The following TENT4B variants were observed in gnomAD, a reference collection of about 807,000 sequenced individuals.
The protein encoded by TENT4B is terminal nucleotidyltransferase 4B, also known as PAP associated domain containing 5.
Under a neutral mutation model 75.0 loss-of-function variants are expected in TENT4B, and 10 were observed. That is an observed-to-expected ratio of 0.13 (90% confidence interval 0.08 to 0.23). The LOEUF is 0.23. Ranked by LOEUF, TENT4B falls within the 10% of genes least tolerant of loss-of-function variation. TENT4B has a pLI of 1.00. For missense variants in TENT4B, 579 were observed against 893.8 expected (o/e 0.65, Z 4.49); for synonymous variants, 350 against 357.7 (o/e 0.98, Z 0.24).
At chr16:50,181,495 G>T (rs1455589256) in intron 1 of TENT4B, among the ~76,000 whole-genome samples, 11 of 142,846 alleles carry the variant, frequency 7.7e-5, no homozygotes, top group African/African-American at 2.6e-4. Flanking sequence ...TATAGAGACA[G>T]AGTTTCACCA....
At chr16:50,152,956 C>G (rs547285140), upstream of TENT4B, 2 of 1,506,250 alleles carry the variant, frequency 1.3e-6, no homozygotes, top group Non-Finnish European at 1.8e-6. Flanking sequence ...AACCTCCATG[C>G]GGCCTCGTCC....
chr16:50,191,542 C>G (rs111635333), intron 1 of TENT4B, among the ~76,000 whole-genome samples: 1 of 152,018 alleles, frequency 6.6e-6, no homozygotes, highest in Non-Finnish European at 1.5e-5. Flanking sequence ...CCAAAGTGTT[C>G]GGATTATAGG....
upstream of TENT4B, among the ~76,000 whole-genome samples, chr16:50,153,269 C>G (rs898799498): frequency 7.2e-6 from 1 of 139,172 alleles, no homozygotes; most frequent in African/African-American, 2.7e-5. Context: ...GGAGCAGGCG[C>G]GTCTCGCTGC....
intron 3 of TENT4B, 135 bp from the exon 4 acceptor site, chr16:50,215,940 C>A: frequency 9.7e-7 from 1 of 1,028,712 alleles, no homozygotes. Context: ...ACCATTATCA[C>A]CAACACATTT....
At chr16:50,159,860 G>A (rs184489381) in intron 1 of TENT4B, among the ~76,000 whole-genome samples, 39 of 152,172 alleles carry the variant, frequency 2.6e-4, no homozygotes, top group African/African-American at 4.8e-4. Flanking sequence ...TTAGTATACT[G>A]TGTTCAACTA....
chr16:50,230,813 G>T lies in TENT4B; in HGVS notation c.*1485G>T. 1 of 985,598 alleles carries T rather than the reference G, an allele frequency of 1.0e-6. No individual in the cohort carries two copies. The highest frequency in any genetic ancestry group is 1.2e-6 in the Non-Finnish European group (1 of 829,704). The allele number at this position is 985,598 out of a possible 1,614,324, so 61.1% of individuals were successfully genotyped here. A position where few individuals can be genotyped will look rare whatever the true frequency, so the allele number is the denominator to read the frequency against. On this transcript the variant is annotated 3_prime_UTR_variant, in exon 12 of 12. Transcript: ENST00000561678. ...GAATATTTAATATAATAGAATGTAA[G>T]TGACATTTCTGAAAATGCTTTCTTT...
intron 1 of TENT4B, among the ~76,000 whole-genome samples, chr16:50,157,488 A>T (rs1390551913): frequency 6.6e-6 from 1 of 152,266 alleles, no homozygotes; most frequent in African/African-American, 2.4e-5. Flanking sequence ...AAAGTCTTCA[A>T]AATAAAACTC....
At position 50,234,313 on chromosome 16, in the gene TENT4B, G is replaced by A; in HGVS notation, c.*4985G>A. 1 of 985,066 alleles carries A rather than the reference G, an allele frequency of 1.0e-6. No individual in the cohort carries two copies. The highest frequency in any genetic ancestry group is 1.2e-6 in the Non-Finnish European group (1 of 829,890). The allele number at this position is 985,066 out of a possible 1,614,324, so 61.0% of individuals were successfully genotyped here. A position where few individuals can be genotyped will look rare whatever the true frequency, so the allele number is the denominator to read the frequency against. On this transcript the variant is annotated 3_prime_UTR_variant, in exon 12 of 12. Transcript: ENST00000561678. ...GAATGGTGAGGTGTGGTGGAATTGGGTAGGGGAGGGAAAGGAGGACTTGGA... is the reference window on the plus strand; with the variant it reads ...GAATGGTGAGGTGTGGTGGAATTGGATAGGGGAGGGAAAGGAGGACTTGGA...
chr16:50,209,284 G>A (rs1449767438), intron 1 of TENT4B, among the ~76,000 whole-genome samples: 1 of 152,152 alleles, frequency 6.6e-6, no homozygotes, highest in Non-Finnish European at 1.5e-5. Context: ...TTGTTCTGTC[G>A]TTTATTCATG....
intron 1 of TENT4B, among the ~76,000 whole-genome samples, chr16:50,188,628 CAT>C (rs1275271863): frequency 2.0e-5 from 3 of 152,222 alleles, no homozygotes; most frequent in Non-Finnish European, 1.5e-5. Flanking sequence ...CAGTTTACGA[CAT>C]GTCTCAATAT....
intron 1 of TENT4B, among the ~76,000 whole-genome samples, chr16:50,206,351 T>G (rs2030964970): frequency 7.2e-6 from 1 of 139,714 alleles, no homozygotes; most frequent in Admixed American, 7.7e-5. Flanking sequence ...TATATATGTA[T>G]GTATTTTTTT....
intron 2 of TENT4B, among the ~76,000 whole-genome samples, chr16:50,213,677 C>T (rs564231082): frequency 9.2e-5 from 14 of 152,238 alleles, no homozygotes; most frequent in African/African-American, 2.9e-4. Flanking sequence ...TCCACAGGTA[C>T]CACACCTCCA....
chr16:50,178,906 G>A (rs2038359014), intron 1 of TENT4B, among the ~76,000 whole-genome samples: 1 of 152,164 alleles, frequency 6.6e-6, no homozygotes, highest in Admixed American at 6.5e-5. Flanking sequence ...TTGCACAACA[G>A]TGTGAATGTA....
chr16:50,193,181 A>G (rs566909348), intron 1 of TENT4B, among the ~76,000 whole-genome samples: 8 of 152,214 alleles, frequency 5.3e-5, no homozygotes, highest in African/African-American at 1.4e-4. Flanking sequence ...GAGAGGAATT[A>G]GGAGATGTTA....
At position 50,153,981 on chromosome 16, in the gene TENT4B, C is replaced by T; in HGVS notation, c.360C>T (p.Ala120=). The T allele has an allele frequency of 6.5e-7, 1 of 1,534,210 alleles. No homozygotes were observed. The highest frequency in any genetic ancestry group is 8.7e-7 in the Non-Finnish European group (1 of 1,146,158). ...NNNNNHHQPG[A]WARRAGSSAS... Reference sequence around the variant, plus strand: ...ACAACAACCACCACCAGCCCGGGGCCTGGGCCCGCCGGGCGGGCTCCTCGG... The same window carrying T: ...ACAACAACCACCACCAGCCCGGGGCTTGGGCCCGCCGGGCGGGCTCCTCGG... Residue 120 remains alanine, a synonymous_variant, in exon 1 of 12, where the codon GCC becomes GCT. Coordinates refer to ENST00000561678, the MANE Select transcript of TENT4B (RefSeq NM_001365324.3).
chr16:50,153,482 G>T lies in TENT4B; in HGVS notation c.-140G>T. ...CTGCGCGACCGCGCCGCCCGCGGCGGGCCCCGAGCAGCAGCAGCAGCAGCA... is the reference window on the plus strand; with the variant it reads ...CTGCGCGACCGCGCCGCCCGCGGCGTGCCCCGAGCAGCAGCAGCAGCAGCA... On this transcript the variant is annotated 5_prime_UTR_variant, in exon 1 of 12. Coordinates refer to ENST00000561678, the MANE Select transcript of TENT4B (RefSeq NM_001365324.3). 1 of 962,600 alleles carries T rather than the reference G, an allele frequency of 1.0e-6. No homozygotes were observed. The highest frequency in any genetic ancestry group is 6.4e-5 in the Admixed American group (1 of 15,610). 59.6% of individuals were successfully genotyped at this position (962,600 alleles called of 1,614,324 possible). A position where few individuals can be genotyped will look rare whatever the true frequency, so the allele number is the denominator to read the frequency against.
At chr16:50,194,525 T>C (rs2030080788) in intron 1 of TENT4B, among the ~76,000 whole-genome samples, 1 of 151,572 alleles carries the variant, frequency 6.6e-6, no homozygotes, top group Non-Finnish European at 1.5e-5. Context: ...ATTATTTCTT[T>C]CTTTCTTTCT....
chr16:50,186,104 C>T (rs2038521336), intron 1 of TENT4B, among the ~76,000 whole-genome samples: 1 of 152,054 alleles, frequency 6.6e-6, no homozygotes, highest in Non-Finnish European at 1.5e-5. Context: ...AAGTCAGTGG[C>T]ATTAAGTACA....
At chr16:50,212,107 C>T (rs911920457) in intron 2 of TENT4B, among the ~76,000 whole-genome samples, 4 of 152,086 alleles carry the variant, frequency 2.6e-5, no homozygotes, top group African/African-American at 9.7e-5. Flanking sequence ...GTTGCTGAGG[C>T]TGGAGTGCAA....
Sources: gnomAD v4.1 joint callset for allele counts (sites outside exome capture counted in the v4.1 genomes callset) on GRCh38, gnomAD v4.1.1 for gene constraint, MANE v1.5 for transcripts, NCBI Gene and HGNC (gene_info 2026-07-23, HGNC 2026-07-21) for gene names.